The following DUSP22 variants were observed in gnomAD, a reference collection of about 807,000 sequenced individuals.
DUSP22 encodes dual specificity protein phosphatase 22.
In DUSP22, 24 loss-of-function variants were observed where a neutral mutation model predicts 24.5. The ratio of observed to expected loss-of-function variants is 0.98; its 90% CI spans 0.71 to 1.38. DUSP22 has a LOEUF of 1.38. Among genes scored for constraint, DUSP22 ranks in the 40% most tolerant of loss-of-function variants. DUSP22 has a pLI of 0.00. For missense variants in DUSP22, 330 were observed against 269.2 expected (o/e 1.23, Z -1.58); for synonymous variants, 160 against 106.4 (o/e 1.50, Z -3.10).
At chr6:300,258 T>C (rs1395103612) in intron 1 of DUSP22, among the ~76,000 whole-genome samples, 3 of 152,302 alleles carry the variant, frequency 2.0e-5, no homozygotes, top group Admixed American at 2.0e-4. Flanking sequence ...CTTCCTTAGA[T>C]GTGGGTGAGA....
chr6:316,610 A>G (rs1758348543), intron 3 of DUSP22, among the ~76,000 whole-genome samples: 1 of 152,310 alleles, frequency 6.6e-6, no homozygotes, highest in Non-Finnish European at 1.5e-5. Context: ...AGAAACTAAT[A>G]TTGAGCAATG....
At chr6:302,405 A>G (rs1329558794) in intron 1 of DUSP22, among the ~76,000 whole-genome samples, 2 of 152,418 alleles carry the variant, frequency 1.3e-5, no homozygotes, top group East Asian at 1.9e-4. Flanking sequence ...CACTCCCTCC[A>G]GTAGAGACAA....
intron 4 of DUSP22, among the ~76,000 whole-genome samples, chr6:343,285 T>C (rs1158141887): frequency 1.3e-5 from 2 of 152,302 alleles, no homozygotes; most frequent in African/African-American, 4.8e-5. Context: ...CAGAAGTGGC[T>C]CCAGACTGCT....
At chr6:316,668 T>G (rs372062585) in intron 3 of DUSP22, among the ~76,000 whole-genome samples, 11 of 152,298 alleles carry the variant, frequency 7.2e-5, no homozygotes, top group African/African-American at 2.7e-4. Context: ...CTCTTTCTAA[T>G]GTAAAAATTT....
chr6:350,716 G>C lies in DUSP22; in HGVS notation c.*1765G>C, dbSNP rs879685688. ...TAACAGAAAAATGATTTAGGATATA[G>C]CTTGAATGCTTAAATATGTGCACCT... On this transcript the variant is annotated 3_prime_UTR_variant, in exon 7 of 7. Coordinates refer to ENST00000419235, the MANE Select transcript of DUSP22 (RefSeq NM_001286555.3). 78 of 1,606,464 alleles carry C rather than the reference G, an allele frequency of 4.9e-5. No individual in the cohort carries two copies. Among genetic ancestry groups the C allele is most frequent in the Admixed American group, 4.8e-4 (28 of 58,900 alleles).
chr6:300,311 G>C (rs1054472690), intron 1 of DUSP22, among the ~76,000 whole-genome samples: 1 of 152,302 alleles, frequency 6.6e-6, no homozygotes, highest in Admixed American at 6.5e-5. Context: ...GAAGACATTT[G>C]AGGGTCCACT....
At chr6:314,789 G>A (rs1029851315) in intron 3 of DUSP22, among the ~76,000 whole-genome samples, 2 of 152,298 alleles carry the variant, frequency 1.3e-5, no homozygotes, top group Non-Finnish European at 1.5e-5. Flanking sequence ...TGAAATCCAG[G>A]GGATGTAAGT....
chr6:344,082 CA>C (rs1438032730), intron 4 of DUSP22, among the ~76,000 whole-genome samples: 1 of 152,306 alleles, frequency 6.6e-6, no homozygotes, highest in African/African-American at 2.4e-5. Flanking sequence ...AGGGGACACA[CA>C]TGCTGGTTGG....
intron 3 of DUSP22, among the ~76,000 whole-genome samples, chr6:328,118 G>C (rs1326954501): frequency 6.6e-6 from 1 of 152,308 alleles, no homozygotes; most frequent in Non-Finnish European, 1.5e-5. Context: ...CTAAGCAGCA[G>C]CTTTCACTCA....
chr6:348,474 C>T (rs1354323150), intron 6 of DUSP22, 200 bp downstream of exon 6: 2 of 948,362 alleles, frequency 2.1e-6, no homozygotes, highest in African/African-American at 1.6e-5. Context: ...GGCGCCTACC[C>T]TTTGTCATTC....
At chr6:310,211 G>T (rs368958555) in intron 2 of DUSP22, among the ~76,000 whole-genome samples, 345 of 152,314 alleles carry the variant, frequency 2.3e-3, no homozygotes, top group African/African-American at 8.1e-3. Flanking sequence ...TTGGCCCGTC[G>T]CGGCCTCCCA....
chr6:294,091 C>T (rs1437092110), intron 1 of DUSP22, among the ~76,000 whole-genome samples: 2 of 152,376 alleles, frequency 1.3e-5, no homozygotes, highest in African/African-American at 4.8e-5. Flanking sequence ...TTGTGTAATA[C>T]AATTCAAAAA....
chr6:307,267 C>A (rs1253944383), intron 2 of DUSP22, among the ~76,000 whole-genome samples: 3 of 152,302 alleles, frequency 2.0e-5, no homozygotes, highest in African/African-American at 7.2e-5. Flanking sequence ...TCTGTCCCTT[C>A]TCCTTCCTCC....
intron 4 of DUSP22, 148 bp downstream of exon 4, chr6:335,311 G>C (rs1759314079): frequency 9.7e-7 from 1 of 1,035,818 alleles, no homozygotes; most frequent in African/African-American, 1.6e-5. Context: ...GCCTACAGAG[G>C]CCAACGCTAG....
At chr6:307,963 C>T (rs986826467) in intron 2 of DUSP22, among the ~76,000 whole-genome samples, 2 of 152,304 alleles carry the variant, frequency 1.3e-5, no homozygotes, top group Admixed American at 6.5e-5. Flanking sequence ...TTATTTTTTC[C>T]ACATGAATTC....
Position 349,127 on chromosome 6 carries a change from GCC to G in DUSP22, c.*178_*179del, listed in dbSNP as rs1308408079. ...GCCCTGCTCCAGGCCCCTGCACTCC[GCC>G]CACCCCTACCCTGGCTGCACCTGAG... On this transcript the variant is annotated 3_prime_UTR_variant, in exon 7 of 7. Transcript: ENST00000419235. The G allele has an allele frequency of 2.1e-6, 3 of 1,440,594 alleles. No individual in the cohort carries two copies. In the East Asian group the frequency reaches 7.5e-5, roughly 36 times the overall value. The allele number at this position is 1,440,594 out of a possible 1,614,324, so 89.2% of individuals were successfully genotyped here.
At chr6:313,729 G>A (rs1758212558) in intron 3 of DUSP22, among the ~76,000 whole-genome samples, 1 of 152,298 alleles carries the variant, frequency 6.6e-6, no homozygotes, top group Non-Finnish European at 1.5e-5. Flanking sequence ...CCACTGTTTT[G>A]TAGCATAATG....
At position 301,806 on chromosome 6, in the gene DUSP22, T is replaced by G. The variant is rs184263571; in HGVS notation, c.22-2822T>G. 4.7e-4 allele frequency among the ~76,000 whole-genome samples: 71 copies of G among 152,396 alleles called. No homozygotes were observed. The South Asian group carries it at 6.6e-3, about 14-fold the overall frequency. On this transcript the variant is annotated intron_variant, in intron 1 of 6. Coordinates refer to ENST00000419235, the MANE Select transcript of DUSP22 (RefSeq NM_001286555.3). Reference sequence around the variant, plus strand: ...GGTGGTGGGAAAACAGTGGTTTGCTTGAGATAGTCCTGCAGCAAGCCGGGC... The same window carrying G: ...GGTGGTGGGAAAACAGTGGTTTGCTGGAGATAGTCCTGCAGCAAGCCGGGC...
At chr6:294,860 G>C (rs1294421685) in intron 1 of DUSP22, among the ~76,000 whole-genome samples, 1 of 152,294 alleles carries the variant, frequency 6.6e-6, no homozygotes, top group Non-Finnish European at 1.5e-5. Context: ...TCAGAAAAGT[G>C]GGGAAAGCAG....
Sources: gnomAD v4.1 joint callset for allele counts (sites outside exome capture counted in the v4.1 genomes callset) on GRCh38, gnomAD v4.1.1 for gene constraint, MANE v1.5 for transcripts, NCBI Gene and HGNC (gene_info 2026-07-23, HGNC 2026-07-21) for gene names.